Variants in PDZRN4 observed in about 807,000 individuals in gnomAD.
PDZRN4 encodes PDZ domain-containing RING finger protein 4.
Under a neutral mutation model 99.0 loss-of-function variants are expected in PDZRN4, and 70 were observed. The ratio of observed to expected loss-of-function variants is 0.71; its 90% confidence interval spans 0.58 to 0.86. The LOEUF is 0.86. Among genes scored for constraint, PDZRN4 ranks in the 40% least tolerant of loss-of-function variants. The probability of loss-of-function intolerance (pLI) is 0.00; values close to 1 mark genes in which losing one functional copy is unlikely to be tolerated. For synonymous variants in PDZRN4, 551 were observed against 501.6 expected, an observed-to-expected ratio of 1.10 and a Z score of -1.32; for missense variants, 1,474 against 1,331.2, an observed-to-expected ratio of 1.11 and a Z score of -1.67.
At chr12:41,373,560 C>T (rs947489797) in intron 3 of PDZRN4, among the ~76,000 whole-genome samples, 3 of 152,156 alleles carry the variant, frequency 2.0e-5, no homozygotes, top group Non-Finnish European at 4.4e-5. Context: ...CACCAGCAGT[C>T]AGAGTTTAAG....
At chr12:41,431,380 A>G (rs1952584633) in intron 3 of PDZRN4, among the ~76,000 whole-genome samples, 1 of 152,180 alleles carries the variant, frequency 6.6e-6, no homozygotes, top group Non-Finnish European at 1.5e-5. Context: ...AAAAAACAAT[A>G]ATGATTTGCC....
At chr12:41,191,298 T>C (rs754576251) in intron 1 of PDZRN4, among the ~76,000 whole-genome samples, 160 bp from the exon 2 acceptor site, 5 of 152,202 alleles carry the variant, frequency 3.3e-5, no homozygotes, top group Non-Finnish European at 7.4e-5. Context: ...AAAGTAAGTA[T>C]AGGAAAATGT....
intron 3 of PDZRN4, among the ~76,000 whole-genome samples, chr12:41,380,116 C>A (rs769634407): frequency 3.3e-5 from 5 of 151,950 alleles, no homozygotes; most frequent in Non-Finnish European, 7.4e-5. Flanking sequence ...CTCTTATGAC[C>A]ATTTATCACT....
At chr12:41,390,255 A>C (rs1403456002) in intron 3 of PDZRN4, among the ~76,000 whole-genome samples, 1 of 152,176 alleles carries the variant, frequency 6.6e-6, no homozygotes, top group African/African-American at 2.4e-5. Flanking sequence ...TGTTATTTAT[A>C]AACACAATGA....
intron 3 of PDZRN4, among the ~76,000 whole-genome samples, chr12:41,259,113 G>A (rs1167739268): frequency 2.0e-5 from 3 of 151,924 alleles, no homozygotes; most frequent in Admixed American, 6.6e-5. Flanking sequence ...AAAGTATAAT[G>A]GATAATAATG....
intron 3 of PDZRN4, among the ~76,000 whole-genome samples, chr12:41,284,386 A>G (rs922482865): frequency 5.9e-5 from 9 of 152,242 alleles, no homozygotes; most frequent in African/African-American, 1.9e-4. Context: ...AAAACATCCC[A>G]TGCTGATGGA....
intron 3 of PDZRN4, among the ~76,000 whole-genome samples, chr12:41,288,545 T>C: frequency 6.6e-6 from 1 of 152,268 alleles, no homozygotes; most frequent in East Asian, 1.9e-4. Flanking sequence ...TATGGTGCAG[T>C]GTTTCTTTAA....
chr12:41,201,787 C>T (rs1431107), intron 3 of PDZRN4, among the ~76,000 whole-genome samples: 106,161 of 152,010 alleles, frequency 0.7, 37,302 homozygotes, highest in South Asian at 0.76. Flanking sequence ...TGTAAGATCT[C>T]GAAAATCTAG....
intron 3 of PDZRN4, among the ~76,000 whole-genome samples, chr12:41,482,466 C>G (rs1937690992): frequency 6.6e-6 from 1 of 152,070 alleles, no homozygotes; most frequent in Non-Finnish European, 1.5e-5. Context: ...TATTTGTCAC[C>G]AGGTAAGATT....
At chr12:41,563,527 C>T (rs368228430) in intron 7 of PDZRN4, 21 bp from the exon 8 acceptor site, 6 of 1,521,486 alleles carry the variant, frequency 3.9e-6, no homozygotes, top group Non-Finnish European at 5.5e-6. Context: ...AACTAATGTG[C>T]CACTCTCATT....
intron 3 of PDZRN4, among the ~76,000 whole-genome samples, chr12:41,236,916 A>G (rs1951071700): frequency 1.3e-5 from 2 of 152,108 alleles, no homozygotes; most frequent in African/African-American, 4.8e-5. Flanking sequence ...TGTGGGGTTT[A>G]TTGAAGAGGG....
intron 7 of PDZRN4, among the ~76,000 whole-genome samples, chr12:41,560,137 C>G (rs111506528): frequency 0.019 from 2,898 of 152,176 alleles, 75 homozygotes; most frequent in African/African-American, 0.062. Flanking sequence ...TTTTCCGCAT[C>G]TATGTCTCTA....
At chr12:41,377,838 G>A (rs1398303555) in intron 3 of PDZRN4, among the ~76,000 whole-genome samples, 1 of 152,068 alleles carries the variant, frequency 6.6e-6, no homozygotes, top group Non-Finnish European at 1.5e-5. Context: ...TTTGCATCTT[G>A]CAACTTTAAT....
At chr12:41,196,334 CAAT>C (rs1266560318) in intron 3 of PDZRN4, among the ~76,000 whole-genome samples, 11 of 151,982 alleles carry the variant, frequency 7.2e-5, no homozygotes, top group African/African-American at 2.7e-4. Context: ...AAATTTGTCT[CAAT>C]GATATAGATT....
rs574459925 is a variant in PDZRN4, at chr12:41,387,057, C to T, written c.844-119399C>T. 8.5e-5 allele frequency among the ~76,000 whole-genome samples: 13 copies of T among 152,068 alleles called. 1 individual carries two copies. In the East Asian group the frequency reaches 9.7e-4, roughly 11 times the overall value. On this transcript the variant is annotated intron_variant, in intron 3 of 9. Coordinates refer to ENST00000402685, the MANE Select transcript of PDZRN4 (RefSeq NM_001164595.2). ...AGGCAATATCATTCAGACATAGGCA[C>T]GAGCAATGATTTTATGATGAAGACA...
chr12:41,427,112 G>A (rs1205747225), intron 3 of PDZRN4, among the ~76,000 whole-genome samples: 1 of 152,164 alleles, frequency 6.6e-6, no homozygotes, highest in Non-Finnish European at 1.5e-5. Flanking sequence ...TAACCATATG[G>A]CTGTTTTCTG....
intron 5 of PDZRN4, among the ~76,000 whole-genome samples, chr12:41,527,193 A>G (rs962997760): frequency 6.6e-6 from 1 of 152,216 alleles, no homozygotes; most frequent in African/African-American, 2.4e-5. Flanking sequence ...TTAAGGCAAG[A>G]GCAAATGGAA....
intron 3 of PDZRN4, among the ~76,000 whole-genome samples, chr12:41,415,071 T>C (rs769478187): frequency 1.3e-5 from 2 of 152,138 alleles, no homozygotes; most frequent in Non-Finnish European, 2.9e-5. Context: ...CAGCCAGGAA[T>C]TCAATACAGA....
At chr12:41,290,353 A>G (rs1951450174) in intron 3 of PDZRN4, among the ~76,000 whole-genome samples, 2 of 152,360 alleles carry the variant, frequency 1.3e-5, no homozygotes, top group Non-Finnish European at 2.9e-5. Context: ...TTTGGAAAAT[A>G]GAAATTCTGA....
Sources: allele counts gnomAD v4.1 joint callset (sites outside exome capture counted in the v4.1 genomes callset), GRCh38; gene constraint gnomAD v4.1.1; transcripts MANE v1.5; gene names NCBI Gene and HGNC (gene_info 2026-07-23, HGNC 2026-07-21).